EVC2: variants seen among roughly 807,000 people sequenced by gnomAD.
EVC2 encodes the protein EvC ciliary complex subunit 2.
Under a neutral mutation model 149.3 loss-of-function variants are expected in EVC2, and 148 were observed. That is an observed-to-expected ratio of 0.99 (90% CI 0.87 to 1.14). The LOEUF is 1.14. Among genes scored for constraint, EVC2 ranks in the 50% most tolerant of loss-of-function variants. The pLI is 0.00. For synonymous variants in EVC2, 776 were observed against 649.9 expected (o/e 1.19, Z -2.95); for missense variants, 1,854 against 1,627.3 (o/e 1.14, Z -2.40).
intron 20 of EVC2, 148 bp downstream of exon 20, chr4:5,568,296 T>C (rs1722422706): frequency 1.1e-6 from 1 of 870,428 alleles, no homozygotes; most frequent in Admixed American, 3.0e-5. Context: ...GGTGAACTTA[T>C]TTTCTTAAGA....
chr4:5,696,755 G>A lies in EVC2; in HGVS notation c.283+838C>T, dbSNP rs997193705. ...GGGCCTGTGCGTTTCAGTTACAGAT[G>A]CCAATGAATTCCTCTTGATGAAATG... On this transcript the variant is annotated intron_variant, in intron 2 of 21. Coordinates refer to ENST00000344408, the MANE Select transcript of EVC2 (RefSeq NM_147127.5). The surrounding 1 kb of genome is among the most constrained non-coding windows in gnomAD (Gnocchi z 4.1). Among the ~76,000 whole-genome samples the A allele has an allele frequency of 6.6e-6, 1 of 152,182 alleles. No individual in the cohort carries two copies.
chr4:5,558,632 A>G (rs1015862607), downstream of EVC2, among the ~76,000 whole-genome samples: 3 of 152,252 alleles, frequency 2.0e-5, no homozygotes, highest in Non-Finnish European at 4.4e-5. Context: ...GAATGTGTCA[A>G]AATAATCTAA....
At chr4:5,538,583 A>G (rs914047775), downstream of EVC2, among the ~76,000 whole-genome samples, 6 of 152,218 alleles carry the variant, frequency 3.9e-5, no homozygotes, top group Non-Finnish European at 7.4e-5. Context: ...AATTTTAGCA[A>G]ATAGAAACTA....
intron 6 of EVC2, among the ~76,000 whole-genome samples, chr4:5,684,419 C>G (rs1422783595): frequency 6.6e-6 from 1 of 152,206 alleles, no homozygotes; most frequent in Non-Finnish European, 1.5e-5. Flanking sequence ...TGTTATGTGA[C>G]CTGGGGCAGT....
intron 7 of EVC2, among the ~76,000 whole-genome samples, chr4:5,672,467 T>C (rs1170390767): frequency 6.6e-6 from 1 of 152,078 alleles, no homozygotes; most frequent in African/African-American, 2.4e-5. Context: ...TAAATCTGGA[T>C]GCCAAGGGAG....
chr4:5,588,320 T>A (rs1337709701), intron 16 of EVC2, among the ~76,000 whole-genome samples: 1 of 152,212 alleles, frequency 6.6e-6, no homozygotes, highest in Non-Finnish European at 1.5e-5. Context: ...TTTGAAGATT[T>A]TCTCTTTATC....
intron 1 of EVC2, among the ~76,000 whole-genome samples, chr4:5,697,903 G>A (rs1316379549): frequency 1.3e-5 from 2 of 151,734 alleles, no homozygotes; most frequent in South Asian, 2.1e-4. Context: ...CCACCACCAC[G>A]CCCAGCTAAT....
chr4:5,620,220 C>G (rs899291255), intron 14 of EVC2, among the ~76,000 whole-genome samples: 2 of 152,194 alleles, frequency 1.3e-5, no homozygotes, highest in African/African-American at 4.8e-5. Context: ...TGTGCAAGGC[C>G]TTTGCCCCGC....
chr4:5,548,913 G>A (rs183720534), intron 21 of EVC2, among the ~76,000 whole-genome samples: 1 of 152,166 alleles, frequency 6.6e-6, no homozygotes, highest in Admixed American at 6.5e-5. Flanking sequence ...TTATTTATAT[G>A]TACTCACTTA....
intron 14 of EVC2, among the ~76,000 whole-genome samples, chr4:5,619,360 G>C (rs1715512336): frequency 6.6e-6 from 1 of 152,184 alleles, no homozygotes; most frequent in Non-Finnish European, 1.5e-5. Context: ...AATATAACTG[G>C]TGTCCTTATA....
the EVC2 span, among the ~76,000 whole-genome samples, chr4:5,532,857 G>C: frequency 1.3e-5 from 2 of 151,908 alleles, no homozygotes; most frequent in African/African-American, 4.8e-5. Flanking sequence ...GATGGGAGCA[G>C]AGATGGCCAG....
chr4:5,613,335 C>T lies in EVC2; in HGVS notation c.2829+2087G>A, dbSNP rs1714997911. Reference sequence around the variant, plus strand: ...CCCATTCCCTCTGCCAAACCAAACCCCAGCTTTCCCTTCACAAGCAGCTCT... The same window carrying T: ...CCCATTCCCTCTGCCAAACCAAACCTCAGCTTTCCCTTCACAAGCAGCTCT... On this transcript the variant is annotated intron_variant, in intron 16 of 21. Transcript: ENST00000344408. The surrounding 1 kb of genome is among the most constrained non-coding windows in gnomAD (Gnocchi z 4.6). Among the ~76,000 whole-genome samples the T allele has an allele frequency of 6.6e-6, 1 of 152,166 alleles. No homozygotes were observed. The highest frequency in any genetic ancestry group is 1.5e-5 in the Non-Finnish European group (1 of 68,032).
intron 21 of EVC2, among the ~76,000 whole-genome samples, chr4:5,545,401 ACT>A (rs1250926286): frequency 8.5e-5 from 13 of 152,308 alleles, no homozygotes; most frequent in Admixed American, 1.3e-4. Flanking sequence ...TAAGCTGGTG[ACT>A]CTGAGGGAAT....
intron 20 of EVC2, 45 bp downstream of exon 20, chr4:5,568,399 T>C (rs1414779084): frequency 1.3e-6 from 2 of 1,531,718 alleles, no homozygotes; most frequent in South Asian, 2.4e-5. Flanking sequence ...GGGACCCTTG[T>C]GGACAGGGAC....
intron 16 of EVC2, among the ~76,000 whole-genome samples, chr4:5,587,001 C>G (rs990920061): frequency 6.6e-6 from 1 of 152,060 alleles, no homozygotes; most frequent in Non-Finnish European, 1.5e-5. Context: ...ACTCCCATTT[C>G]TTGCTTCCTG....
Position 5,655,728 on chromosome 4 carries a change from T to C in EVC2, c.1145+7379A>G, listed in dbSNP as rs566442022. Among the ~76,000 whole-genome samples the C allele has an allele frequency of 6.8e-5, 8 of 117,806 alleles. No homozygotes were observed. In the East Asian group the frequency reaches 7.3e-4, roughly 11 times the overall value. 77.3% of individuals were successfully genotyped at this position (117,806 alleles called of 152,430 possible). On this transcript the variant is annotated intron_variant, in intron 9 of 21. Transcript: ENST00000344408. Reference sequence around the variant, plus strand: ...GCATGGACCAAATACTTAATCCACATGTAAAAAAAAAAAATGGAAGGAAGA... The same window carrying C: ...GCATGGACCAAATACTTAATCCACACGTAAAAAAAAAAAATGGAAGGAAGA...
Position 5,640,433 on chromosome 4 carries a change from G to A in EVC2, c.1470+81C>T, listed in dbSNP as rs1347725152. ...GGTAGACGGATGGAGGAGGCAAATGGACAGATGAGTGGGTAGATGGATAAA... is the reference window on the plus strand; with the variant it reads ...GGTAGACGGATGGAGGAGGCAAATGAACAGATGAGTGGGTAGATGGATAAA... On this transcript the variant is annotated intron_variant, in intron 10 of 21. Transcript: ENST00000344408. The surrounding 1 kb of genome is among the most constrained non-coding windows in gnomAD (Gnocchi z 4.6). 3.2e-6 allele frequency: 5 copies of A among 1,542,484 alleles called. No individual in the cohort carries two copies. The highest frequency in any genetic ancestry group is 1.4e-5 in the African/African-American group (1 of 72,934).
chr4:5,610,760 G>C (rs1714750671), intron 16 of EVC2, among the ~76,000 whole-genome samples: 1 of 150,332 alleles, frequency 6.7e-6, no homozygotes, highest in African/African-American at 2.5e-5. Flanking sequence ...GTTCTTCTTG[G>C]TCAGTGTCTT....
chr4:5,697,790 G>C, intron 1 of EVC2, 143 bp from the exon 2 acceptor site: 1 of 729,064 alleles, frequency 1.4e-6, no homozygotes, highest in Non-Finnish European at 2.4e-6. Context: ...CTGTCACCCA[G>C]GCTGCAGTGC....
Sources: gnomAD v4.1 joint callset for allele counts (sites outside exome capture counted in the v4.1 genomes callset) on GRCh38, gnomAD v4.1.1 for gene constraint, Gnocchi (gnomAD v3.1) non-coding constraint, MANE v1.5 for transcripts, NCBI Gene and HGNC (gene_info 2026-07-23, HGNC 2026-07-21) for gene names.